Variants in TCEA1 observed in about 807,000 individuals in gnomAD.
The protein encoded by TCEA1 is transcription elongation factor A protein 1.
In TCEA1, 21 loss-of-function variants were observed where a neutral mutation model predicts 43.8. The ratio of observed to expected loss-of-function variants is 0.48; its 90% confidence interval spans 0.34 to 0.69. The LOEUF (loss-of-function observed/expected upper bound fraction) is 0.69. Ranked by LOEUF, TCEA1 falls within the 30% of genes least tolerant of loss-of-function variation. The pLI is 0.01. For synonymous variants in TCEA1, 104 were observed against 117.5 expected, an observed-to-expected ratio of 0.88 and a Z score of 0.75; for missense variants, 250 against 365.1, an observed-to-expected ratio of 0.68 and a Z score of 2.57.
intron 2 of TCEA1, among the ~76,000 whole-genome samples, chr8:54,008,042 C>A (rs1276408136): frequency 3.3e-5 from 5 of 151,804 alleles, no homozygotes; most frequent in Non-Finnish European, 7.4e-5. Flanking sequence ...ATTAGCTGGG[C>A]ATGGCGGCAG....
chr8:54,010,082 C>T (rs1010378002), intron 2 of TCEA1: 1 of 217,470 alleles, frequency 4.6e-6, no homozygotes. Flanking sequence ...GCCATCCTCA[C>T]CCTGAAGCTA....
chr8:53,994,219 C>T (rs770868749), intron 3 of TCEA1, among the ~76,000 whole-genome samples: 1 of 152,040 alleles, frequency 6.6e-6, no homozygotes, highest in African/African-American at 2.4e-5. Context: ...GTGGTGCACA[C>T]CTGTAGTCTC....
rs568477167 is a variant in TCEA1, at chr8:53,969,752, CT to C, written c.897+639del. On this transcript the variant is annotated intron_variant, in intron 9 of 9. Coordinates refer to ENST00000521604, the MANE Select transcript of TCEA1 (RefSeq NM_006756.4). ...CACGTAAGCCTCCCAAACTCACACC[CT>C]TAACATCCTCATCTATAATAATGAT... 7.9e-5 allele frequency among the ~76,000 whole-genome samples: 12 copies of C among 152,282 alleles called. No individual in the cohort carries two copies. In the East Asian group the frequency reaches 1.9e-3, roughly 24 times the overall value.
chr8:53,986,480 C>T (rs180765731), intron 6 of TCEA1, among the ~76,000 whole-genome samples: 2 of 152,238 alleles, frequency 1.3e-5, no homozygotes, highest in Non-Finnish European at 1.5e-5. Flanking sequence ...GCTAGGAAAG[C>T]GAAATTCTTT....
intron 2 of TCEA1, chr8:54,002,810 T>A: frequency 2.3e-6 from 1 of 442,056 alleles, no homozygotes; most frequent in East Asian, 7.0e-5. Flanking sequence ...AAACTATACA[T>A]CGTGAAACTC....
At chr8:54,004,418 A>G (rs952203347) in intron 2 of TCEA1, among the ~76,000 whole-genome samples, 3 of 152,276 alleles carry the variant, frequency 2.0e-5, no homozygotes, top group Non-Finnish European at 4.4e-5. Flanking sequence ...TGAAATATCC[A>G]TGCAACTGAA....
At chr8:53,976,632 A>G (rs1196658647) in intron 8 of TCEA1, among the ~76,000 whole-genome samples, 1 of 152,150 alleles carries the variant, frequency 6.6e-6, no homozygotes, top group African/African-American at 2.4e-5. Flanking sequence ...GCTATTTATA[A>G]TTTGATTATG....
chr8:53,993,917 GC>G (rs1803964592), intron 3 of TCEA1, among the ~76,000 whole-genome samples, 162 bp from the exon 4 acceptor site: 1 of 152,174 alleles, frequency 6.6e-6, no homozygotes, highest in Non-Finnish European at 1.5e-5. Context: ...TTTTCACAAT[GC>G]AAGTTCAGTC....
At chr8:53,997,300 T>C (rs1184548751) in intron 3 of TCEA1, among the ~76,000 whole-genome samples, 1 of 151,950 alleles carries the variant, frequency 6.6e-6, no homozygotes, top group Non-Finnish European at 1.5e-5. Context: ...ACTACAAAGA[T>C]TGGTTTGAGC....
intron 1 of TCEA1, among the ~76,000 whole-genome samples, chr8:54,012,408 A>G (rs1804679353): frequency 6.6e-6 from 1 of 152,100 alleles, no homozygotes; most frequent in Admixed American, 6.5e-5. Flanking sequence ...AAAAATACAA[A>G]AATTAGCTGG....
At chr8:53,972,612 T>C in intron 8 of TCEA1, 4 of 584,406 alleles carry the variant, frequency 6.8e-6, no homozygotes, top group South Asian at 1.4e-5. Flanking sequence ...TGTAAAAATA[T>C]ATTCTTCAGA....
At chr8:54,007,864 T>C (rs562599459) in intron 2 of TCEA1, among the ~76,000 whole-genome samples, 89 of 152,290 alleles carry the variant, frequency 5.8e-4, no homozygotes, top group African/African-American at 2.0e-3. Context: ...ACTTTGACTT[T>C]TATCAAAGTT....
intron 1 of TCEA1, 53 bp downstream of exon 1, chr8:54,022,010 G>A: frequency 6.5e-7 from 1 of 1,536,454 alleles, no homozygotes; most frequent in Non-Finnish European, 8.7e-7. Flanking sequence ...GGCCCCCTCG[G>A]GCCGGACCGC....
chr8:54,021,829 C>T (rs1805043997), intron 1 of TCEA1: 2 of 385,638 alleles, frequency 5.2e-6, no homozygotes, highest in South Asian at 1.7e-4. Context: ...GTTTATTACA[C>T]GGCACCAGCG....
At chr8:53,978,926 G>A in intron 8 of TCEA1, 99 bp downstream of exon 8, 4 of 1,364,980 alleles carry the variant, frequency 2.9e-6, no homozygotes, top group Non-Finnish European at 4.0e-6. Flanking sequence ...ATGGATAAGT[G>A]AGGGACTATC....
At chr8:54,014,838 G>A (rs1466496624) in intron 1 of TCEA1, among the ~76,000 whole-genome samples, 1 of 152,156 alleles carries the variant, frequency 6.6e-6, no homozygotes, top group African/African-American at 2.4e-5. Context: ...TACAAGATCT[G>A]GGTAATGTTA....
At chr8:53,969,946 A>G (rs1803106606) in intron 9 of TCEA1, among the ~76,000 whole-genome samples, 2 of 152,348 alleles carry the variant, frequency 1.3e-5, no homozygotes, top group Non-Finnish European at 1.5e-5. Context: ...AAAGCCTACC[A>G]AATGACAGCA....
Position 53,999,889 on chromosome 8 carries a change from A to T in TCEA1, c.232+56T>A, listed in dbSNP as rs749452549. On this transcript the variant is annotated intron_variant, in intron 3 of 9. Transcript: ENST00000521604. The stretch of plus-strand genomic sequence containing the variant: ...TAACTAACCATAAAATGTAACCATT[A>T]ACTATTTGAATAAATCACAACATCA... 7 of 1,173,670 alleles carry T rather than the reference A, an allele frequency of 6.0e-6. No individual in the cohort carries two copies. The East Asian group carries it at 1.3e-4, about 21-fold the overall frequency. The allele number at this position is 1,173,670 out of a possible 1,614,324, so 72.7% of individuals were successfully genotyped here. A position where few individuals can be genotyped will look rare whatever the true frequency, so the allele number is the denominator to read the frequency against.
intron 3 of TCEA1, among the ~76,000 whole-genome samples, chr8:53,996,044 G>A (rs1804041755): frequency 6.6e-6 from 1 of 152,170 alleles, no homozygotes; most frequent in Non-Finnish European, 1.5e-5. Flanking sequence ...ACTAAGAAAT[G>A]GTCCAAAAGT....
Sources: allele counts gnomAD v4.1 joint callset (sites outside exome capture counted in the v4.1 genomes callset), GRCh38; gene constraint gnomAD v4.1.1; transcripts MANE v1.5; gene names NCBI Gene and HGNC (gene_info 2026-07-23, HGNC 2026-07-21).